Variants in FSTL5 observed in about 807,000 individuals in gnomAD.
FSTL5 encodes follistatin like 5, also known as follistatin-related protein 5.
In FSTL5, 62 loss-of-function variants were observed where a neutral mutation model predicts 89.1. The ratio of observed to expected loss-of-function variants is 0.70; its 90% confidence interval spans 0.57 to 0.86. The LOEUF (loss-of-function observed/expected upper bound fraction) is 0.86, where lower values mean the gene tolerates loss of function less well. FSTL5 is among the 40% of genes least tolerant of loss of function. The pLI, the probability that FSTL5 is intolerant of heterozygous loss-of-function variation, is 0.00. For synonymous variants in FSTL5, 383 were observed against 346.2 expected, an observed-to-expected ratio of 1.11 and a Z score of -1.18; for missense variants, 1,057 against 1,001.6, an observed-to-expected ratio of 1.06 and a Z score of -0.75.
chr4:161,734,227 AT>A (rs1047450583), intron 6 of FSTL5, among the ~76,000 whole-genome samples: 12 of 152,210 alleles, frequency 7.9e-5, no homozygotes, highest in African/African-American at 9.6e-5. Flanking sequence ...AAATAAAAAA[AT>A]AAGTAAAATT....
intron 2 of FSTL5, among the ~76,000 whole-genome samples, chr4:162,068,837 A>C (rs376715698): frequency 6.6e-6 from 1 of 152,214 alleles, no homozygotes; most frequent in Non-Finnish European, 1.5e-5. Flanking sequence ...AACTTAATTA[A>C]ATTTACAGGA....
intron 4 of FSTL5, among the ~76,000 whole-genome samples, chr4:161,789,407 A>G (rs955976822): frequency 6.6e-6 from 1 of 152,054 alleles, no homozygotes; most frequent in African/African-American, 2.4e-5. Flanking sequence ...GTATTTTATT[A>G]CCCTATAAAT....
chr4:161,804,633 G>C (rs1729902918), intron 4 of FSTL5, among the ~76,000 whole-genome samples: 1 of 151,462 alleles, frequency 6.6e-6, no homozygotes, highest in Non-Finnish European at 1.5e-5. Context: ...AAAATCAATA[G>C]AAATTTAATA....
At chr4:162,074,070 G>A (rs144054701) in intron 2 of FSTL5, among the ~76,000 whole-genome samples, 6 of 151,732 alleles carry the variant, frequency 4.0e-5, no homozygotes, top group East Asian at 2.0e-4. Flanking sequence ...TTAGCCCTTC[G>A]CAAAGTCAGC....
chr4:161,586,974 G>T (rs1024276400), intron 8 of FSTL5, among the ~76,000 whole-genome samples: 1 of 152,088 alleles, frequency 6.6e-6, no homozygotes, highest in Admixed American at 6.6e-5. Context: ...ATTAAATCAA[G>T]AATAAAGAAA....
chr4:162,062,941 T>C lies in FSTL5; in HGVS notation c.127-29283A>G, dbSNP rs1451946457. Reference sequence around the variant, plus strand: ...AGTATTTTATAAATAATATTCATGGTTTCTTGCCTTAGGTTCAAATAATTC... The same window carrying C: ...AGTATTTTATAAATAATATTCATGGCTTCTTGCCTTAGGTTCAAATAATTC... On this transcript the variant is annotated intron_variant, in intron 2 of 15. Coordinates refer to ENST00000306100, the MANE Select transcript of FSTL5 (RefSeq NM_020116.5). 2.0e-5 allele frequency among the ~76,000 whole-genome samples: 3 copies of C among 151,696 alleles called. No individual in the cohort carries two copies. The East Asian group carries it at 5.8e-4, about 29-fold the overall frequency.
intron 13 of FSTL5, among the ~76,000 whole-genome samples, chr4:161,467,030 A>C (rs1230555714): frequency 6.6e-6 from 1 of 152,146 alleles, no homozygotes; most frequent in Admixed American, 6.5e-5. Context: ...ATATCAGTTC[A>C]TGGATGAGGA....
At chr4:161,416,648 T>C (rs1731794075) in intron 15 of FSTL5, among the ~76,000 whole-genome samples, 1 of 151,990 alleles carries the variant, frequency 6.6e-6, no homozygotes, top group Non-Finnish European at 1.5e-5. Flanking sequence ...ATGGAGACCA[T>C]CCTGGCTAAC....
intron 1 of FSTL5, among the ~76,000 whole-genome samples, chr4:162,143,742 A>AC (rs1385663064): frequency 4.8e-3 from 119 of 24,974 alleles, no homozygotes; most frequent in African/African-American, 0.011. Flanking sequence ...ACACACACAC[A>AC]CACACACCCA....
At chr4:161,510,014 G>A (rs1423579764) in intron 11 of FSTL5, among the ~76,000 whole-genome samples, 1 of 152,116 alleles carries the variant, frequency 6.6e-6, no homozygotes, top group East Asian at 1.9e-4. Context: ...CAAGTATGTA[G>A]CTCAGATTTT....
chr4:161,826,942 T>C lies in FSTL5; in HGVS notation c.410-50868A>G, dbSNP rs76086936. On this transcript the variant is annotated intron_variant, in intron 4 of 15. Coordinates refer to ENST00000306100, the MANE Select transcript of FSTL5 (RefSeq NM_020116.5). ...TCATCATTCTGTTTCCTGAATAACA[T>C]TTTTTTAAATTTATTTACTGTGTTT... 9.8e-3 allele frequency among the ~76,000 whole-genome samples: 1,472 copies of C among 150,918 alleles called. 26 individuals are homozygous for C. Among genetic ancestry groups the C allele is most frequent in the African/African-American group, 0.034 (1,381 of 40,268 alleles).
At chr4:161,645,257 C>A (rs1419663310) in intron 7 of FSTL5, among the ~76,000 whole-genome samples, 3 of 151,858 alleles carry the variant, frequency 2.0e-5, no homozygotes, top group African/African-American at 7.3e-5. Context: ...TAAAGAAAGT[C>A]ATGATAAAAT....
intron 6 of FSTL5, among the ~76,000 whole-genome samples, chr4:161,692,460 T>C (rs1315844387): frequency 6.6e-6 from 1 of 152,030 alleles, no homozygotes; most frequent in African/African-American, 2.4e-5. Context: ...CCCCTCAAAA[T>C]GCACAGGTTT....
chr4:161,644,756 C>A (rs1215906990), intron 7 of FSTL5, among the ~76,000 whole-genome samples: 1 of 152,066 alleles, frequency 6.6e-6, no homozygotes, highest in Non-Finnish European at 1.5e-5. Context: ...TTTATGAAGA[C>A]CTCTCTGGTT....
rs577985948 is a variant in FSTL5 at position 161,527,184 on chromosome 4, A to G, written c.1312+10982T>C. ...TCCCTTGTAAGTTGGATTCCTAGGTATTTTATTCTCTTTGAAGCAATTGTG... is the reference window on the plus strand; with the variant it reads ...TCCCTTGTAAGTTGGATTCCTAGGTGTTTTATTCTCTTTGAAGCAATTGTG... On this transcript the variant is annotated intron_variant, in intron 10 of 15. Coordinates refer to ENST00000306100, the MANE Select transcript of FSTL5 (RefSeq NM_020116.5). 5.7e-3 allele frequency among the ~76,000 whole-genome samples: 861 copies of G among 152,164 alleles called. 8 individuals are homozygous for G. Among genetic ancestry groups the G allele is most frequent in the African/African-American group, 0.019 (805 of 41,516 alleles).
In FSTL5 at chr4:161,971,172, G is replaced by T. The variant is rs189294879; in HGVS notation, c.161-50520C>A. Among the ~76,000 whole-genome samples the T allele has an allele frequency of 1.4e-4, 21 of 152,172 alleles. No homozygotes were observed. The East Asian group carries it at 3.3e-3, about 24-fold the overall frequency. On this transcript the variant is annotated intron_variant, in intron 3 of 15. Coordinates refer to ENST00000306100, the MANE Select transcript of FSTL5 (RefSeq NM_020116.5). ...TAAAATGACAGATTGAAGATTTCAT[G>T]AGATCAATGGAGGAGAGTTCTCAAA...
intron 4 of FSTL5, among the ~76,000 whole-genome samples, chr4:161,822,451 G>C (rs1730521788): frequency 1.3e-5 from 2 of 152,224 alleles, no homozygotes; most frequent in Non-Finnish European, 2.9e-5. Context: ...AGCTGCAGCA[G>C]GGCAGGCAGC....
chr4:161,846,433 C>T (rs529282640), intron 4 of FSTL5, among the ~76,000 whole-genome samples: 7 of 151,918 alleles, frequency 4.6e-5, no homozygotes, highest in East Asian at 3.9e-4. Context: ...TTTAGAGTTA[C>T]GAGTTAAGAT....
intron 10 of FSTL5, among the ~76,000 whole-genome samples, chr4:161,533,346 AAAG>A (rs2126533305): frequency 6.6e-6 from 1 of 152,170 alleles, no homozygotes; most frequent in Non-Finnish European, 1.5e-5. Flanking sequence ...GGGGGAAAAA[AAAG>A]AGAAGATCCA....
Sources: gnomAD v4.1 joint callset for allele counts (sites outside exome capture counted in the v4.1 genomes callset) on GRCh38, gnomAD v4.1.1 for gene constraint, MANE v1.5 for transcripts, NCBI Gene and HGNC (gene_info 2026-07-23, HGNC 2026-07-21) for gene names.